Variants in LUC7L3 observed in about 807,000 individuals in gnomAD.
The protein encoded by LUC7L3 is LUC7 like 3 pre-mRNA splicing factor.
In LUC7L3, 6 loss-of-function variants were observed where a neutral mutation model predicts 66.8. The ratio of observed to expected loss-of-function variants is 0.09; its 90% CI spans 0.05 to 0.18. The LOEUF (loss-of-function observed/expected upper bound fraction) is 0.18. Ranked by LOEUF, LUC7L3 falls within the 10% of genes least tolerant of loss-of-function variation. The pLI is 1.00. For missense variants in LUC7L3, 341 were observed against 531.1 expected (o/e 0.64, Z 3.52); for synonymous variants, 160 against 174.7 (o/e 0.92, Z 0.66).
rs1202300678 is a variant in LUC7L3 at position 50,752,237 on chromosome 17, C to T, written c.*1576C>T. The T allele has an allele frequency of 6.2e-6, 8 of 1,280,144 alleles. No individual in the cohort carries two copies. Among genetic ancestry groups the T allele is most frequent in the Middle Eastern group, 2.1e-4 (1 of 4,672 alleles). 79.3% of individuals were successfully genotyped at this position (1,280,144 alleles called of 1,614,324 possible). ...AAGATTTTTGGAAGAATACTGAGAACGGCATAAAGTGAAGATCGACATTTA... is the reference window on the plus strand; with the variant it reads ...AAGATTTTTGGAAGAATACTGAGAATGGCATAAAGTGAAGATCGACATTTA... On this transcript the variant is annotated 3_prime_UTR_variant, in exon 10 of 10. Coordinates refer to ENST00000505658, the MANE Select transcript of LUC7L3 (RefSeq NM_016424.5).
Position 50,750,927 on chromosome 17 carries a change from C to T in LUC7L3, c.*266C>T. The T allele has an allele frequency of 6.5e-7, 1 of 1,534,572 alleles. No individual in the cohort carries two copies. The highest frequency in any genetic ancestry group is 1.4e-5 in the African/African-American group (1 of 73,040). On this transcript the variant is annotated 3_prime_UTR_variant, in exon 10 of 10. Coordinates refer to ENST00000505658, the MANE Select transcript of LUC7L3 (RefSeq NM_016424.5). The stretch of plus-strand genomic sequence containing the variant: ...GTGTGCCTCTTTGGAAATTATCGCC[C>T]ACATTTGTAATATAGTCGCCATTGA...
In LUC7L3 at chr17:50,749,357, C is replaced by T. The variant is rs959829028; in HGVS notation, c.1139-1144C>T. On this transcript the variant is annotated intron_variant, in intron 9 of 9. Coordinates refer to ENST00000505658, the MANE Select transcript of LUC7L3 (RefSeq NM_016424.5). ...ACTTTCCCACAAGGTCAGTTAGAGC[C>T]CACTGTCCTGGCACAGTTCTCACAA... 5.4e-6 allele frequency: 7 copies of T among 1,287,054 alleles called. No homozygotes were observed. In the East Asian group the frequency reaches 3.9e-4, roughly 71 times the overall value. 79.7% of individuals were successfully genotyped at this position (1,287,054 alleles called of 1,614,324 possible).
At chr17:50,744,980 T>TTTTGTTTGTTTG (rs879515671) in intron 7 of LUC7L3, among the ~76,000 whole-genome samples, 167 bp downstream of exon 7, 2 of 151,708 alleles carry the variant, frequency 1.3e-5, no homozygotes, top group African/African-American at 4.9e-5. Context: ...CCTGGCTAAT[T>TTTTGTTTGTTTG]TTTGTTTGTT....
intron 9 of LUC7L3, chr17:50,749,203 TAC>T: frequency 7.8e-7 from 1 of 1,288,808 alleles, no homozygotes; most frequent in Non-Finnish European, 1.0e-6. Flanking sequence ...TATTAAGATC[TAC>T]CATATTTACA....
Position 50,756,196 on chromosome 17 carries a change from T to G in LUC7L3, c.*5535T>G, listed in dbSNP as rs899061699. 2.7e-5 allele frequency: 4 copies of G among 147,934 alleles called. No homozygotes were observed. The highest frequency in any genetic ancestry group is 1.0e-4 in the African/African-American group (4 of 39,316). 9.2% of individuals were successfully genotyped at this position (147,934 alleles called of 1,614,324 possible). On this transcript the variant is annotated 3_prime_UTR_variant, in exon 10 of 10. Transcript: ENST00000505658. ...GTATGTATGATATTTCTTAATAAAA[T>G]TTAAAAAGAAGAATGGGAAAAAAGT...
intron 3 of LUC7L3, among the ~76,000 whole-genome samples, chr17:50,740,886 A>T (rs1271353900): frequency 2.0e-5 from 3 of 152,160 alleles, no homozygotes; most frequent in African/African-American, 7.2e-5. Flanking sequence ...GACTTGTCCT[A>T]GGTCCAGGGT....
At chr17:50,729,731 A>AT (rs1969435692) in intron 1 of LUC7L3, among the ~76,000 whole-genome samples, 4 of 151,638 alleles carry the variant, frequency 2.6e-5, no homozygotes, top group African/African-American at 9.7e-5. Context: ...GCTGGGAATA[A>AT]TTTTTTTTCC....
At chr17:50,735,870 C>T (rs182118237) in intron 1 of LUC7L3, among the ~76,000 whole-genome samples, 170 of 152,306 alleles carry the variant, frequency 1.1e-3, no homozygotes, top group African/African-American at 3.9e-3. Context: ...CAGTGGTTCA[C>T]ACCTGTAATC....
At chr17:50,750,288 C>T (rs1970917859) in intron 9 of LUC7L3, among the ~76,000 whole-genome samples, 1 of 152,080 alleles carries the variant, frequency 6.6e-6, no homozygotes, top group South Asian at 2.1e-4. Context: ...AGAATTTACC[C>T]ACTATTTTAC....
At position 50,741,367 on chromosome 17, in the gene LUC7L3, C is replaced by T. The variant is rs1041466962; in HGVS notation, c.351+121C>T. 12 of 993,022 alleles carry T rather than the reference C, an allele frequency of 1.2e-5. No individual in the cohort carries two copies. The East Asian group carries it at 2.7e-4, about 22-fold the overall frequency. 61.5% of individuals were successfully genotyped at this position (993,022 alleles called of 1,614,324 possible). A position where few individuals can be genotyped will look rare whatever the true frequency, so the allele number is the denominator to read the frequency against. ...CTTTGTTCTTTAAAATGATATGAAA[C>T]TTATAGGGCATTCATTTTTTTTCCA... On this transcript the variant is annotated intron_variant, in intron 4 of 9. Transcript: ENST00000505658.
At chr17:50,736,706 T>TG (rs1316088370) in intron 1 of LUC7L3, 8 of 374,756 alleles carry the variant, frequency 2.1e-5, no homozygotes, top group African/African-American at 6.4e-5. Context: ...TTTTTGCTAC[T>TG]GGGGGGTCAG....
intron 1 of LUC7L3, among the ~76,000 whole-genome samples, chr17:50,730,583 C>T (rs1478509633): frequency 6.9e-6 from 1 of 144,046 alleles, no homozygotes. Flanking sequence ...TTGATTAGCT[C>T]AAAGGAGAAT....
At chr17:50,749,159 A>G in intron 9 of LUC7L3, 3 of 1,255,740 alleles carry the variant, frequency 2.4e-6, no homozygotes, top group Non-Finnish European at 3.1e-6. Context: ...CCATAGCCCT[A>G]AAATCCACCA....
At position 50,746,737 on chromosome 17, in the gene LUC7L3, CTT is replaced by C. The variant is rs746024649; in HGVS notation, c.1138+38_1138+39del. Reference sequence around the variant, plus strand: ...TATGAGAATTCAGTTCATTAAGAAACTTTTCACACCCTAATCGCCCCACTCAC... The same window carrying C: ...TATGAGAATTCAGTTCATTAAGAAACTTCACACCCTAATCGCCCCACTCAC... On this transcript the variant is annotated intron_variant, in intron 9 of 9. Transcript: ENST00000505658. 5.1e-6 allele frequency: 8 copies of C among 1,583,780 alleles called. No homozygotes were observed. The East Asian group carries it at 6.7e-5, about 13-fold the overall frequency.
intron 1 of LUC7L3, among the ~76,000 whole-genome samples, chr17:50,726,464 G>T (rs1017109800): frequency 5.9e-5 from 9 of 152,128 alleles, no homozygotes; most frequent in Admixed American, 4.6e-4. Flanking sequence ...AAGCCACAGC[G>T]CCTGGCCTAT....
chr17:50,744,530 AT>A (rs773373597), intron 6 of LUC7L3, 121 bp from the exon 7 acceptor site: 36 of 891,390 alleles, frequency 4.0e-5, no homozygotes, highest in Non-Finnish European at 5.6e-5. Flanking sequence ...AATATTACTG[AT>A]TTGGGGAAAT....
At chr17:50,750,478 G>T in intron 9 of LUC7L3, 23 bp from the exon 10 acceptor site, 1 of 1,599,320 alleles carries the variant, frequency 6.3e-7, no homozygotes, top group Non-Finnish European at 8.5e-7. Flanking sequence ...AAAATCCATG[G>T]TCAATGTCTT....
In LUC7L3 at chr17:50,736,945, G is replaced by A; in HGVS notation, c.100-15G>A. ...ACCAAGCAATTTTTTAAGTACCTTT[G>A]TTTTTCTTTACTAGGTTTGTAAATA... On this transcript the variant is annotated splice_polypyrimidine_tract_variant and intron_variant, in intron 1 of 9. Transcript: ENST00000505658. 2 of 1,581,576 alleles carry A rather than the reference G, an allele frequency of 1.3e-6. No homozygotes were observed. Among genetic ancestry groups the A allele is most frequent in the South Asian group, 1.1e-5 (1 of 87,910 alleles).
chr17:50,728,437 AAC>A (rs369417435), intron 1 of LUC7L3, among the ~76,000 whole-genome samples: 47 of 152,210 alleles, frequency 3.1e-4, no homozygotes, highest in African/African-American at 1.1e-3. Context: ...GTTTATCTTT[AAC>A]ACAGTGAATT....
Sources: gnomAD v4.1 joint callset for allele counts (sites outside exome capture counted in the v4.1 genomes callset) on GRCh38, gnomAD v4.1.1 for gene constraint, MANE v1.5 for transcripts, NCBI Gene and HGNC (gene_info 2026-07-23, HGNC 2026-07-21) for gene names.